The following PYGB variants were observed in gnomAD, a reference collection of about 807,000 sequenced individuals.
PYGB encodes the protein glycogen phosphorylase B, also known as glycogen phosphorylase, brain form.
Under a neutral mutation model 94.3 loss-of-function variants are expected in PYGB, and 82 were observed. The ratio of observed to expected loss-of-function variants is 0.87; its 90% confidence interval spans 0.73 to 1.04. The LOEUF (loss-of-function observed/expected upper bound fraction) is 1.04. PYGB is among the 50% of genes least tolerant of loss of function. PYGB has a pLI of 0.00. For synonymous variants in PYGB, 488 were observed against 479.1 expected, an observed-to-expected ratio of 1.02 and a Z score of -0.24; for missense variants, 1,132 against 1,158.2, an observed-to-expected ratio of 0.98 and a Z score of 0.33.
In PYGB at chr20:25,292,588, G is replaced by A. The variant is rs780623140; in HGVS notation, c.2152G>A (p.Asp718Asn). 1.9e-6 allele frequency: 3 copies of A among 1,612,492 alleles called. No individual in the cohort carries two copies. Among genetic ancestry groups the A allele is most frequent in the Non-Finnish European group, 2.5e-6 (3 of 1,179,960 alleles). The stretch of plus-strand genomic sequence containing the variant: ...CTTCATCTTCGGCCTGCGGGTGGAG[G>A]ATGTCGAGGCCTTGGACCGGAAAGG... The part of the protein sequence containing the change: ...NLFIFGLRVE[D>N]VEALDRKGYN... The change falls in exon 17 of 20, where the codon GAT becomes AAT. Residue 718 changes from aspartate (D) to asparagine (N), a missense_variant. Coordinates refer to ENST00000216962, the MANE Select transcript of PYGB (RefSeq NM_002862.4).
At chr20:25,279,656 T>TA (rs780391897) in intron 9 of PYGB, among the ~76,000 whole-genome samples, 1 of 151,744 alleles carries the variant, frequency 6.6e-6, no homozygotes, top group Non-Finnish European at 1.5e-5. Context: ...GGCCGGAAGT[T>TA]AGAGACCAGC....
In PYGB at chr20:25,278,473, G is replaced by T; in HGVS notation, c.999+11G>T. 1 of 1,613,280 alleles carries T rather than the reference G, an allele frequency of 6.2e-7. No homozygotes were observed. The highest frequency in any genetic ancestry group is 8.5e-7 in the Non-Finnish European group (1 of 1,179,340). ...ACGTTCCCAGACAAGGTGCATGGTG[G>T]CCCTGGGAGGGATCTCAGTGCCAGG... On this transcript the variant is annotated intron_variant, in intron 8 of 19. Transcript: ENST00000216962.
At chr20:25,248,808 T>C (rs991070241) in intron 1 of PYGB, among the ~76,000 whole-genome samples, 3 of 152,156 alleles carry the variant, frequency 2.0e-5, no homozygotes, top group Non-Finnish European at 4.4e-5. Context: ...CAGCAGCCTG[T>C]GGGAGAAAAT....
Position 25,292,453 on chromosome 20 carries a change from GA to G in PYGB, c.2018del (p.Glu673GlyfsTer8). 1 of 1,613,548 alleles carries G rather than the reference GA, an allele frequency of 6.2e-7. No homozygotes were observed. The highest frequency in any genetic ancestry group is 1.1e-5 in the South Asian group (1 of 91,088). On this transcript the variant is annotated frameshift_variant, in exon 17 of 20. Transcript: ENST00000216962. LOFTEE classifies it high-confidence loss of function. Reference protein sequence around the residue: ...LSQQISTAGTEASGTGNMKFM... With the variant: ...LSQQISTAGTXASGTGNMKFM... The stretch of plus-strand genomic sequence containing the variant: ...GCAGCAGATCTCCACTGCAGGCACC[GA>G]GGCCTCAGGCACAGGCAACATGAAG...
Position 25,281,066 on chromosome 20 carries a change from G to C in PYGB, c.1357G>C (p.Val453Leu), listed in dbSNP as rs200580052. Residue 453 changes from valine to leucine, a missense_variant, in exon 11 of 20, where the codon GTC becomes CTC. Coordinates refer to ENST00000216962, the MANE Select transcript of PYGB (RefSeq NM_002862.4). ...AHLCVIGSHA[V>L]NGVARIHSEI... ...CCTGTGTGTGATTGGGTCCCATGCT[G>C]TCAATGGTGTGGCGAGGATCCACTC... The C allele has an allele frequency of 1.1e-5, 17 of 1,614,204 alleles. No homozygotes were observed. Among genetic ancestry groups the C allele is most frequent in the Non-Finnish European group, 1.4e-5 (16 of 1,180,022 alleles).
intron 19 of PYGB, among the ~76,000 whole-genome samples, 193 bp downstream of exon 19, chr20:25,295,863 G>GA (rs1445741462): frequency 6.6e-6 from 1 of 152,178 alleles, no homozygotes; most frequent in African/African-American, 2.4e-5. Context: ...TCCCTCCGTT[G>GA]AAAAAAACAG....
chr20:25,295,735 A>C (rs998592761), intron 19 of PYGB, 65 bp downstream of exon 19: 5 of 1,498,066 alleles, frequency 3.3e-6, no homozygotes, highest in Non-Finnish European at 3.7e-6. Context: ...GTGTTGGGTC[A>C]GATTGTTTAT....
At chr20:25,281,982 C>A in intron 11 of PYGB, 51 bp from the exon 12 acceptor site, 1 of 1,479,752 alleles carries the variant, frequency 6.8e-7, no homozygotes, top group Non-Finnish European at 9.5e-7. Flanking sequence ...TGTTGCTCAC[C>A]TGGTGCAGGG....
intron 14 of PYGB, among the ~76,000 whole-genome samples, chr20:25,287,142 A>G (rs2088425324): frequency 1.3e-5 from 2 of 152,206 alleles, no homozygotes; most frequent in Non-Finnish European, 2.9e-5. Context: ...TGGCGAGGAC[A>G]GCCTGTTTGC....
intron 17 of PYGB, among the ~76,000 whole-genome samples, chr20:25,292,965 T>TGGGCTG (rs1309803779): frequency 6.6e-6 from 1 of 151,964 alleles, no homozygotes; most frequent in East Asian, 1.9e-4. Flanking sequence ...CCCACAGAAA[T>TGGGCTG]GGGCTGGGGC....
At chr20:25,271,514 T>C in intron 4 of PYGB, 28 bp downstream of exon 4, 1 of 1,587,372 alleles carries the variant, frequency 6.3e-7, no homozygotes, top group South Asian at 1.1e-5. Context: ...TCTTCACTGG[T>C]TTCCAGCTCT....
intron 2 of PYGB, among the ~76,000 whole-genome samples, chr20:25,262,581 A>AT (rs1392111754): frequency 3.3e-5 from 5 of 152,346 alleles, no homozygotes; most frequent in African/African-American, 1.2e-4. Flanking sequence ...ACCGGGCAGA[A>AT]TAACCAGCTA....
intron 6 of PYGB, among the ~76,000 whole-genome samples, chr20:25,277,039 G>T (rs546027726): frequency 6.6e-6 from 1 of 152,074 alleles, no homozygotes; most frequent in African/African-American, 2.4e-5. Context: ...GGAGTGAGGG[G>T]GATGGAGTTG....
rs558940434 is a variant in PYGB at position 25,258,567 on chromosome 20, C to T, written c.244-670C>T. Among the ~76,000 whole-genome samples, 163 of 152,332 alleles carry T rather than the reference C, an allele frequency of 1.1e-3. 1 individual carries two copies. Among genetic ancestry groups the T allele is most frequent in the African/African-American group, 3.7e-3 (154 of 41,582 alleles). On this transcript the variant is annotated intron_variant, in intron 1 of 19. Transcript: ENST00000216962. ...CCCGTGGATGGCCATGAGAAGTACT[C>T]GGTAGAGAAAGTAGGGCACCTAGAA...
At chr20:25,252,341 T>G (rs1278358842) in intron 1 of PYGB, among the ~76,000 whole-genome samples, 2 of 152,222 alleles carry the variant, frequency 1.3e-5, no homozygotes, top group Admixed American at 1.3e-4. Flanking sequence ...TGTGCCTAGA[T>G]AGTAACGTGG....
intron 16 of PYGB, among the ~76,000 whole-genome samples, chr20:25,291,693 GT>G (rs2088469155): frequency 6.6e-6 from 1 of 152,006 alleles, no homozygotes; most frequent in Non-Finnish European, 1.5e-5. Flanking sequence ...CCTCCTATGT[GT>G]TTTGGGGCCA....
intron 15 of PYGB, chr20:25,289,964 T>TAA (rs1568698276): frequency 1.9e-6 from 1 of 533,448 alleles, no homozygotes; most frequent in Non-Finnish European, 3.8e-6. Flanking sequence ...GTTGTCTTTG[T>TAA]AAAGTAACAG....
rs1478006312 is a variant in PYGB, at chr20:25,297,202, G to A, written c.*680G>A. 1.3e-5 allele frequency: 2 copies of A among 152,568 alleles called. No individual in the cohort carries two copies. Among genetic ancestry groups the A allele is most frequent in the Middle Eastern group, 3.4e-3 (1 of 296 alleles). The allele number at this position is 152,568 out of a possible 1,614,324, so 9.5% of individuals were successfully genotyped here. On this transcript the variant is annotated 3_prime_UTR_variant, in exon 20 of 20. Coordinates refer to ENST00000216962, the MANE Select transcript of PYGB (RefSeq NM_002862.4). ...CGGGATGACTGAGGGGGACACTGGA[G>A]TGGGTGCTTGTGTCTGCTGTCTCAG...
intron 18 of PYGB, chr20:25,294,932 G>C (rs779109285): frequency 6.3e-7 from 1 of 1,595,960 alleles, no homozygotes; most frequent in Non-Finnish European, 8.6e-7. Context: ...TTTTAGTTTT[G>C]TCTGCTGCTC....
Sources: allele counts gnomAD v4.1 joint callset (sites outside exome capture counted in the v4.1 genomes callset), GRCh38; gene constraint gnomAD v4.1.1; transcripts MANE v1.5; gene names NCBI Gene and HGNC (gene_info 2026-07-23, HGNC 2026-07-21).